The following VDAC1 variants were observed in gnomAD, a reference collection of about 807,000 sequenced individuals.
The protein encoded by VDAC1 is voltage dependent anion channel 1.
A neutral mutation model predicts 34.7 loss-of-function variants in VDAC1; 10 were observed. The ratio of observed to expected loss-of-function variants is 0.29; its 90% CI spans 0.18 to 0.49. VDAC1 has a LOEUF of 0.49. Among genes scored for constraint, VDAC1 ranks in the 20% least tolerant of loss-of-function variants. The pLI is 0.99. For synonymous variants in VDAC1, 130 were observed against 136.0 expected (o/e 0.96, Z 0.30); for missense variants, 230 against 347.9 (o/e 0.66, Z 2.69).
chr5:134,055,138 G>C, the VDAC1 span, among the ~76,000 whole-genome samples: 1 of 152,238 alleles, frequency 6.6e-6, no homozygotes, highest in Non-Finnish European at 1.5e-5. Flanking sequence ...AGAGTGGGAA[G>C]CAGCCACAAA....
the VDAC1 span, among the ~76,000 whole-genome samples, chr5:134,063,578 C>T: frequency 6.6e-6 from 1 of 152,316 alleles, no homozygotes; most frequent in Non-Finnish European, 1.5e-5. Context: ...GGGAATCCTT[C>T]TGCTAACACA....
chr5:134,079,342 C>T, the VDAC1 span, among the ~76,000 whole-genome samples: 1 of 152,142 alleles, frequency 6.6e-6, no homozygotes, highest in African/African-American at 2.4e-5. Context: ...TGGGACCAGG[C>T]GACACAGTGA....
the VDAC1 span, among the ~76,000 whole-genome samples, chr5:134,105,652 TGAGA>T: frequency 6.6e-6 from 1 of 151,956 alleles, no homozygotes; most frequent in African/African-American, 2.4e-5. Context: ...AAACAGAAAA[TGAGA>T]GTGAGCAAAA....
chr5:134,040,247 A>G, the VDAC1 span, among the ~76,000 whole-genome samples: 1 of 152,204 alleles, frequency 6.6e-6, no homozygotes, highest in Admixed American at 6.5e-5. Context: ...CCTGGCCAAC[A>G]TGGCGAAACC....
intron 6 of VDAC1, among the ~76,000 whole-genome samples, chr5:133,977,669 T>C (rs1752530781): frequency 6.6e-6 from 1 of 152,188 alleles, no homozygotes; most frequent in Non-Finnish European, 1.5e-5. Context: ...ATTACTGCTT[T>C]CAGATTGTTG....
upstream of VDAC1, among the ~76,000 whole-genome samples, chr5:134,009,245 T>G (rs558430801): frequency 3.7e-4 from 55 of 147,802 alleles, no homozygotes; most frequent in African/African-American, 1.2e-3. Flanking sequence ...AATTTATCAA[T>G]TCTTTTTTTT....
chr5:133,992,445 T>C (rs2126978718), intron 2 of VDAC1, 90 bp from the exon 3 acceptor site: 2 of 1,008,880 alleles, frequency 2.0e-6, no homozygotes, highest in South Asian at 4.9e-5. Context: ...GATGCTTTTT[T>C]AAAAAGAAGC....
At chr5:133,995,859 C>A (rs1753281080) in intron 1 of VDAC1, among the ~76,000 whole-genome samples, 1 of 152,234 alleles carries the variant, frequency 6.6e-6, no homozygotes, top group African/African-American at 2.4e-5. Context: ...AAGTCGGCAA[C>A]AAAGCCTGCT....
intron 2 of VDAC1, 114 bp from the exon 3 acceptor site, chr5:133,992,469 AG>A: frequency 1.5e-6 from 1 of 659,408 alleles, no homozygotes; most frequent in Non-Finnish European, 2.3e-6. Flanking sequence ...CTCCTGCCAC[AG>A]GGGCTGAGGG....
rs1055686791 is a variant in VDAC1 at position 133,983,371 on chromosome 5, G to T, written c.324-2415C>A. Among the ~76,000 whole-genome samples the T allele has an allele frequency of 4.6e-5, 7 of 151,980 alleles. No individual in the cohort carries two copies. The East Asian group carries it at 1.4e-3, about 29-fold the overall frequency. ...GATACATAATAAAATATTTACAGCT[G>T]AAATTAAGTGTTGTTATTTACTTAA... On this transcript the variant is annotated intron_variant, in intron 5 of 8. Transcript: ENST00000265333.
the VDAC1 span, among the ~76,000 whole-genome samples, chr5:134,078,676 G>A: frequency 8.3e-6 from 1 of 120,530 alleles, no homozygotes; most frequent in Non-Finnish European, 1.7e-5. Context: ...TTGAGACAGA[G>A]TTTTGCTCTT....
chr5:134,016,183 A>G, the VDAC1 span, among the ~76,000 whole-genome samples: 1 of 152,214 alleles, frequency 6.6e-6, no homozygotes, highest in Non-Finnish European at 1.5e-5. Context: ...CTTGCTGCAT[A>G]AGACAGATTG....
the VDAC1 span, among the ~76,000 whole-genome samples, chr5:134,055,489 G>A: frequency 6.6e-6 from 1 of 151,694 alleles, no homozygotes; most frequent in African/African-American, 2.4e-5. Flanking sequence ...GCGCGATCTC[G>A]GCTCACTGCA....
chr5:134,013,877 G>C, the VDAC1 span, among the ~76,000 whole-genome samples: 1 of 151,904 alleles, frequency 6.6e-6, no homozygotes, highest in East Asian at 1.9e-4. Flanking sequence ...GGGAGGCGGA[G>C]GTTGCAGTGA....
the VDAC1 span, among the ~76,000 whole-genome samples, chr5:134,078,387 A>G: frequency 6.6e-6 from 1 of 152,192 alleles, no homozygotes; most frequent in African/African-American, 2.4e-5. Flanking sequence ...AGGGGCAGGC[A>G]GCAGCTGGGA....
At chr5:133,996,740 C>T (rs572420869) in intron 1 of VDAC1, among the ~76,000 whole-genome samples, 1 of 152,252 alleles carries the variant, frequency 6.6e-6, no homozygotes, top group Non-Finnish European at 1.5e-5. Flanking sequence ...CAATGAGCAT[C>T]AAAGTATTAT....
chr5:134,098,346 C>A, the VDAC1 span, among the ~76,000 whole-genome samples: 1 of 144,932 alleles, frequency 6.9e-6, no homozygotes, highest in Non-Finnish European at 1.5e-5. Flanking sequence ...TACAGGCACC[C>A]ACCACCATGC....
At chr5:134,058,138 T>G in the VDAC1 span, among the ~76,000 whole-genome samples, 2 of 152,116 alleles carry the variant, frequency 1.3e-5, no homozygotes, top group Non-Finnish European at 2.9e-5. Context: ...TCTGCCTGCT[T>G]CAGCCACCCA....
rs1370343581 is a variant in VDAC1, at chr5:133,972,637, TC to T, written c.*133del. ...GGAAGGGTAACATCTTAAAGCTGAA[TC>T]AACTTTAACCTGGAGGGCTAACATA... On this transcript the variant is annotated 3_prime_UTR_variant, in exon 9 of 9. Coordinates refer to ENST00000265333, the MANE Select transcript of VDAC1 (RefSeq NM_003374.3). 1.3e-6 allele frequency: 1 copy of T among 742,378 alleles called. No individual in the cohort carries two copies. The highest frequency in any genetic ancestry group is 2.2e-6 in the Non-Finnish European group (1 of 460,844). 46.0% of individuals were successfully genotyped at this position (742,378 alleles called of 1,614,324 possible).
Sources: allele counts gnomAD v4.1 joint callset (sites outside exome capture counted in the v4.1 genomes callset), GRCh38; gene constraint gnomAD v4.1.1; transcripts MANE v1.5; gene names NCBI Gene and HGNC (gene_info 2026-07-23, HGNC 2026-07-21).